The following ITPR1 variants were observed in gnomAD, a reference collection of about 807,000 sequenced individuals.
ITPR1 encodes inositol 1,4,5-trisphosphate receptor type 1.
A neutral mutation model predicts 318.4 loss-of-function variants in ITPR1; 96 were observed. That is an observed-to-expected ratio of 0.30 (90% CI 0.26 to 0.36). The LOEUF is 0.36. Among genes scored for constraint, ITPR1 ranks in the 10% least tolerant of loss-of-function variants. The pLI is 1.00. For missense variants in ITPR1, 2,440 were observed against 3,460.2 expected (o/e 0.71, Z 7.40); for synonymous variants, 1,312 against 1,289.9 (o/e 1.02, Z -0.37).
intron 40 of ITPR1, among the ~76,000 whole-genome samples, chr3:4,723,811 G>T (rs1367088773): frequency 6.6e-6 from 1 of 152,082 alleles, no homozygotes; most frequent in African/African-American, 2.4e-5. Context: ...GCTGTAGTGG[G>T]AGGGTTTCCC....
intron 4 of ITPR1, among the ~76,000 whole-genome samples, chr3:4,544,498 G>A (rs1575478029): frequency 1.3e-5 from 2 of 152,274 alleles, no homozygotes; most frequent in East Asian, 3.9e-4. Flanking sequence ...TGAGTAATAG[G>A]CACTTCATTT....
intron 46 of ITPR1, among the ~76,000 whole-genome samples, chr3:4,771,809 T>G (rs1224703762): frequency 6.6e-6 from 1 of 152,112 alleles, no homozygotes; most frequent in Non-Finnish European, 1.5e-5. Context: ...GTTCAGTGCT[T>G]TAAAACTTTT....
intron 44 of ITPR1, among the ~76,000 whole-genome samples, chr3:4,748,962 T>C (rs1000015475): frequency 1.3e-5 from 2 of 152,140 alleles, no homozygotes; most frequent in African/African-American, 4.8e-5. Flanking sequence ...TCCGCGGGGA[T>C]TTAGAAGAGA....
intron 4 of ITPR1, among the ~76,000 whole-genome samples, chr3:4,566,039 C>G (rs921184868): frequency 2.6e-5 from 4 of 152,194 alleles, no homozygotes; most frequent in Non-Finnish European, 5.9e-5. Flanking sequence ...ATTGATTTTC[C>G]TGGTAGCCAA....
At chr3:4,780,182 A>G (rs879671527) in intron 49 of ITPR1, among the ~76,000 whole-genome samples, 1 of 152,142 alleles carries the variant, frequency 6.6e-6, no homozygotes, top group Non-Finnish European at 1.5e-5. Flanking sequence ...GAGAAGATTC[A>G]TGTCAAGCCC....
chr3:4,756,006 A>G (rs2044945135), intron 44 of ITPR1, among the ~76,000 whole-genome samples: 1 of 152,210 alleles, frequency 6.6e-6, no homozygotes, highest in Non-Finnish European at 1.5e-5. Context: ...GGCTGGTTGA[A>G]AGCCATCAGA....
intron 4 of ITPR1, among the ~76,000 whole-genome samples, chr3:4,533,799 C>T (rs143679215): frequency 2.6e-5 from 4 of 152,200 alleles, no homozygotes; most frequent in Non-Finnish European, 5.9e-5. Flanking sequence ...TCTCCTCGCA[C>T]GAGCCTTGAT....
rs764712681 is a variant in ITPR1 at position 4,782,604 on chromosome 3, T to G, written c.6388-15T>G. 32 of 1,598,924 alleles carry G rather than the reference T, an allele frequency of 2.0e-5. No individual in the cohort carries two copies. In the East Asian group the frequency reaches 7.0e-4, roughly 35 times the overall value. On this transcript the variant is annotated splice_polypyrimidine_tract_variant and intron_variant, in intron 49 of 61. Coordinates refer to ENST00000649015, the MANE Select transcript of ITPR1 (RefSeq NM_001378452.1). Reference sequence around the variant, plus strand: ...CCTTGAAACAGGATTTTTGTTCCCTTGGCTCTTCTTGCAGGTGGAAGTGAT... The same window carrying G: ...CCTTGAAACAGGATTTTTGTTCCCTGGGCTCTTCTTGCAGGTGGAAGTGAT...
At chr3:4,742,229 C>T (rs1400770007) in intron 44 of ITPR1, among the ~76,000 whole-genome samples, 1 of 152,214 alleles carries the variant, frequency 6.6e-6, no homozygotes, top group Non-Finnish European at 1.5e-5. Flanking sequence ...TGCCAGCCTT[C>T]AGTGACCTTG....
chr3:4,560,070 A>C (rs930787461), intron 4 of ITPR1, among the ~76,000 whole-genome samples: 5 of 152,222 alleles, frequency 3.3e-5, no homozygotes, highest in African/African-American at 1.2e-4. Flanking sequence ...AATGGAGAAA[A>C]TAGTCCTGGC....
chr3:4,815,852 C>G (rs947780680), intron 59 of ITPR1, among the ~76,000 whole-genome samples: 1 of 151,892 alleles, frequency 6.6e-6, no homozygotes, highest in Non-Finnish European at 1.5e-5. Flanking sequence ...GCTTTTTGCC[C>G]CCTTAAAACC....
chr3:4,620,434 T>C (rs2092582788), intron 4 of ITPR1, among the ~76,000 whole-genome samples: 1 of 152,166 alleles, frequency 6.6e-6, no homozygotes, highest in African/African-American at 2.4e-5. Flanking sequence ...CCGTTACTGG[T>C]CCTCATCCCA....
intron 44 of ITPR1, among the ~76,000 whole-genome samples, chr3:4,748,101 A>G (rs1379073316): frequency 1.3e-5 from 2 of 152,214 alleles, no homozygotes; most frequent in Non-Finnish European, 2.9e-5. Context: ...TACATGGAAT[A>G]GTCCCAATTG....
chr3:4,501,034 T>A (rs68142029), intron 2 of ITPR1, among the ~76,000 whole-genome samples: 512 of 22,578 alleles, frequency 0.023, 5 homozygotes, highest in African/African-American at 0.066. Flanking sequence ...AAAAAAAAAA[T>A]TTTTTTTTGT....
intron 4 of ITPR1, among the ~76,000 whole-genome samples, chr3:4,564,032 C>G (rs555363714): frequency 1.4e-4 from 22 of 151,980 alleles, no homozygotes; most frequent in Non-Finnish European, 2.6e-4. Context: ...ACCTCCACCT[C>G]CGGGGTTCAA....
intron 4 of ITPR1, among the ~76,000 whole-genome samples, chr3:4,555,783 C>G (rs1402310922): frequency 6.6e-6 from 1 of 152,174 alleles, no homozygotes; most frequent in Non-Finnish European, 1.5e-5. Flanking sequence ...ACAGCTCTTA[C>G]TTTTGTGCCC....
intron 13 of ITPR1, 101 bp from the exon 14 acceptor site, chr3:4,660,887 C>A: frequency 1.7e-6 from 1 of 593,960 alleles, no homozygotes; most frequent in South Asian, 3.0e-5. Context: ...AGTAGGAAAC[C>A]ACTTTGCTAT....
chr3:4,664,348 G>T (rs545294564), intron 16 of ITPR1, among the ~76,000 whole-genome samples: 1 of 152,204 alleles, frequency 6.6e-6, no homozygotes, highest in Admixed American at 6.5e-5. Context: ...GCACAGAGAT[G>T]CATACCATGT....
intron 2 of ITPR1, among the ~76,000 whole-genome samples, chr3:4,510,898 G>A (rs2081766881): frequency 6.6e-6 from 1 of 152,178 alleles, no homozygotes; most frequent in Non-Finnish European, 1.5e-5. Context: ...AGTGTTGTGG[G>A]CTTGAGAAAA....
Sources: allele counts gnomAD v4.1 joint callset (sites outside exome capture counted in the v4.1 genomes callset), GRCh38; gene constraint gnomAD v4.1.1; transcripts MANE v1.5; gene names NCBI Gene and HGNC (gene_info 2026-07-23, HGNC 2026-07-21).